The following PYGL variants were observed in gnomAD, a reference collection of about 807,000 sequenced individuals.
PYGL encodes the protein glycogen phosphorylase L, also known as glycogen phosphorylase, liver form.
In PYGL, 90 loss-of-function variants were observed where a neutral mutation model predicts 100.1. The ratio of observed to expected loss-of-function variants is 0.90; its 90% confidence interval spans 0.76 to 1.07. The LOEUF (loss-of-function observed/expected upper bound fraction) is 1.07. Among genes scored for constraint, PYGL ranks in the 50% least tolerant of loss-of-function variants. PYGL has a pLI of 0.00. For synonymous variants in PYGL, 373 were observed against 393.0 expected, an observed-to-expected ratio of 0.95 and a Z score of 0.60; for missense variants, 1,016 against 1,057.6, an observed-to-expected ratio of 0.96 and a Z score of 0.55.
chr14:50,905,557 C>T lies in PYGL; in HGVS notation c.2380-1G>A, dbSNP rs1358514208. The stretch of plus-strand genomic sequence containing the variant: ...CCATTGTGTTCCAGGCCTTTGGATT[C>T]TGTAAACAACATATGCATATACAGC... On this transcript the variant is annotated splice_acceptor_variant, in intron 19 of 19. Coordinates refer to ENST00000216392, the MANE Select transcript of PYGL (RefSeq NM_002863.5). LOFTEE classifies it high-confidence loss of function. The T allele has an allele frequency of 6.2e-6, 10 of 1,613,964 alleles. No individual in the cohort carries two copies. The highest frequency in any genetic ancestry group is 7.6e-6 in the Non-Finnish European group (9 of 1,179,854).
Position 50,915,584 on chromosome 14 carries a change from C to G in PYGL, c.1240-85G>C, listed in dbSNP as rs112334020. Reference sequence around the variant, plus strand: ...ACGCTGTTCATGTCTTAAGCAAAATCTTTGGTGTACTCAATATAAACTTCA... The same window carrying G: ...ACGCTGTTCATGTCTTAAGCAAAATGTTTGGTGTACTCAATATAAACTTCA... On this transcript the variant is annotated intron_variant, in intron 10 of 19. Transcript: ENST00000216392. 26 of 1,544,274 alleles carry G rather than the reference C, an allele frequency of 1.7e-5. No individual in the cohort carries two copies. The East Asian group carries it at 4.9e-4, about 29-fold the overall frequency.
At chr14:50,944,111 AG>A in intron 1 of PYGL, 49 bp downstream of exon 1, 4 of 1,558,706 alleles carry the variant, frequency 2.6e-6, no homozygotes, top group Non-Finnish European at 3.5e-6. Context: ...CCGCGGCCGG[AG>A]ACTCCGACTC....
chr14:50,920,691 A>C, intron 6 of PYGL, 68 bp from the exon 7 acceptor site: 3,576 of 1,406,666 alleles, frequency 2.5e-3, no homozygotes, highest in Non-Finnish European at 3.3e-3. Context: ...TCTTGATCTC[A>C]CTGGCTCTGT....
intron 4 of PYGL, among the ~76,000 whole-genome samples, chr14:50,926,057 A>G (rs951487187): frequency 1.3e-5 from 2 of 152,250 alleles, no homozygotes; most frequent in African/African-American, 4.8e-5. Flanking sequence ...TCTGTAATTC[A>G]GAATTAAAAA....
At chr14:50,906,369 C>T (rs765689644) in intron 19 of PYGL, among the ~76,000 whole-genome samples, 2 of 152,162 alleles carry the variant, frequency 1.3e-5, no homozygotes, top group Non-Finnish European at 2.9e-5. Flanking sequence ...TTTGTTTATT[C>T]AGACTTTGGA....
chr14:50,930,909 C>T (rs1342535723), intron 4 of PYGL, among the ~76,000 whole-genome samples: 1 of 151,718 alleles, frequency 6.6e-6, no homozygotes, highest in Non-Finnish European at 1.5e-5. Context: ...CGACTGTAGA[C>T]TCAAACAGTT....
intron 17 of PYGL, 68 bp downstream of exon 17, chr14:50,909,827 C>G (rs1355141887): frequency 4.5e-6 from 7 of 1,565,066 alleles, no homozygotes; most frequent in Non-Finnish European, 5.3e-6. Context: ...GCAGGAAGCC[C>G]TCTGAGGTCA....
intron 3 of PYGL, among the ~76,000 whole-genome samples, chr14:50,932,544 T>C (rs1255366170): frequency 1.3e-5 from 2 of 152,244 alleles, no homozygotes; most frequent in Non-Finnish European, 2.9e-5. Flanking sequence ...AGTCCTGCTA[T>C]ACTCCTGCTG....
At chr14:50,927,627 T>C (rs1261963304) in intron 4 of PYGL, among the ~76,000 whole-genome samples, 1 of 152,246 alleles carries the variant, frequency 6.6e-6, no homozygotes, top group African/African-American at 2.4e-5. Context: ...TTTAGCTTCA[T>C]GGGGCTAACA....
At chr14:50,913,202 G>A in intron 12 of PYGL, 72 bp from the exon 13 acceptor site, 1 of 1,274,910 alleles carries the variant, frequency 7.8e-7, no homozygotes, top group Non-Finnish European at 1.1e-6. Context: ...GTTTCTGTCA[G>A]TATTTCTCTC....
rs2142791698 is a variant in PYGL at position 50,912,313 on chromosome 14, C to T, written c.1621-10G>A. On this transcript the variant is annotated splice_polypyrimidine_tract_variant and intron_variant, in intron 13 of 19. Coordinates refer to ENST00000216392, the MANE Select transcript of PYGL (RefSeq NM_002863.5). The stretch of plus-strand genomic sequence containing the variant: ...ACTTCAGCTTATTCTCCTGTTAAGA[C>T]AGTGCATGGTGCCAGAGCTCTTTTG... The T allele has an allele frequency of 6.2e-7, 1 of 1,613,622 alleles. No individual in the cohort carries two copies. Among genetic ancestry groups the T allele is most frequent in the Non-Finnish European group, 8.5e-7 (1 of 1,179,772 alleles).
In PYGL at chr14:50,920,612, C is replaced by T; in HGVS notation, c.784G>A (p.Asp262Asn). 1 of 1,611,070 alleles carries T rather than the reference C, an allele frequency of 6.2e-7. No homozygotes were observed. Among genetic ancestry groups the T allele is most frequent in the Non-Finnish European group, 8.5e-7 (1 of 1,177,284 alleles). ...CGGTCCAGCACAGCCTGAATGTAGT[C>T]TCCAACATTAACTAGGGGAAAGTTA... ...DFNLRDFNVGDYIQAVLDRNL... is the reference protein window; with the variant it reads ...DFNLRDFNVGNYIQAVLDRNL... Residue 262 changes from aspartate to asparagine, a missense_variant, in exon 7 of 20, where the codon GAC becomes AAC. Asp to Asn is a conservative substitution (Grantham distance 23). Transcript: ENST00000216392.
intron 3 of PYGL, 39 bp downstream of exon 3, chr14:50,935,068 A>G (rs368091942): frequency 4.5e-6 from 7 of 1,555,022 alleles, no homozygotes; most frequent in Non-Finnish European, 6.2e-6. Context: ...GATGTCTTCA[A>G]TCGGCCAGAC....
rs975482989 is a variant in PYGL at position 50,913,187 on chromosome 14, G to T, written c.1519-57C>A. 5.2e-5 allele frequency: 75 copies of T among 1,442,788 alleles called. No individual in the cohort carries two copies. In the African/African-American group the frequency reaches 9.3e-4, roughly 18 times the overall value. 89.4% of individuals were successfully genotyped at this position (1,442,788 alleles called of 1,614,324 possible). On this transcript the variant is annotated intron_variant, in intron 12 of 19. Coordinates refer to ENST00000216392, the MANE Select transcript of PYGL (RefSeq NM_002863.5). ...TTGGGGATGGTAATCAAGTCCAAAT[G>T]GGCAGTTTCTGTCAGTATTTCTCTC...
At chr14:50,915,701 G>A (rs940692653) in intron 10 of PYGL, 124 bp downstream of exon 10, 18 of 1,449,590 alleles carry the variant, frequency 1.2e-5, no homozygotes, top group Non-Finnish European at 1.6e-5. Context: ...AGCCCCGTTC[G>A]GACTTGAGTA....
At chr14:50,930,443 G>A (rs1391428688) in intron 4 of PYGL, among the ~76,000 whole-genome samples, 2 of 152,204 alleles carry the variant, frequency 1.3e-5, no homozygotes, top group Non-Finnish European at 2.9e-5. Context: ...TCTACAAGAT[G>A]CTGCCTCTCA....
rs997046370 is a variant in PYGL at position 50,913,538 on chromosome 14, A to AT, written c.1519-409dup. Among the ~76,000 whole-genome samples the AT allele has an allele frequency of 5.6e-4, 84 of 149,724 alleles. 1 individual carries two copies. The highest frequency in any genetic ancestry group is 1.3e-3 in the South Asian group (6 of 4,730). On this transcript the variant is annotated intron_variant, in intron 12 of 19. Coordinates refer to ENST00000216392, the MANE Select transcript of PYGL (RefSeq NM_002863.5). ...AGGCGCCTGCCACCACGCCTGGCTAATTTTTTTTTGTATTTTTAGTAGAGA... is the reference window on the plus strand; with the variant it reads ...AGGCGCCTGCCACCACGCCTGGCTAATTTTTTTTTTGTATTTTTAGTAGAGA...
chr14:50,931,635 T>C (rs1334126195), intron 4 of PYGL, 38 bp downstream of exon 4: 10 of 1,525,210 alleles, frequency 6.6e-6, no homozygotes, highest in Non-Finnish European at 9.1e-6. Flanking sequence ...GAAAGAGAAG[T>C]ACCTTAATGA....
chr14:50,927,403 T>A (rs1044051106), intron 4 of PYGL, among the ~76,000 whole-genome samples: 3 of 152,142 alleles, frequency 2.0e-5, no homozygotes, highest in Non-Finnish European at 2.9e-5. Flanking sequence ...TTTTGTATTT[T>A]TAGTAGAGAC....
Sources: allele counts gnomAD v4.1 joint callset (sites outside exome capture counted in the v4.1 genomes callset), GRCh38; gene constraint gnomAD v4.1.1; transcripts MANE v1.5; gene names NCBI Gene and HGNC (gene_info 2026-07-23, HGNC 2026-07-21).